The following PCDH15 variants were observed in gnomAD, a reference collection of about 807,000 sequenced individuals.
PCDH15 encodes protocadherin related 15.
Under a neutral mutation model 178.5 loss-of-function variants are expected in PCDH15, and 129 were observed. That is an observed-to-expected ratio of 0.72 (90% CI 0.63 to 0.84). PCDH15 has a LOEUF of 0.84. Among genes scored for constraint, PCDH15 ranks in the 40% least tolerant of loss-of-function variants. The pLI, the probability that PCDH15 is intolerant of heterozygous loss-of-function variation, is 0.00. For synonymous variants in PCDH15, 800 were observed against 732.0 expected, an observed-to-expected ratio of 1.09 and a Z score of -1.50; for missense variants, 2,230 against 2,099.9, an observed-to-expected ratio of 1.06 and a Z score of -1.21.
chr10:55,471,091 T>C (rs1252115079), intron 2 of PCDH15, among the ~76,000 whole-genome samples: 1 of 152,192 alleles, frequency 6.6e-6, no homozygotes, highest in Admixed American at 6.5e-5. Flanking sequence ...TGTTTCCAAG[T>C]TTTGGTAGTT....
chr10:54,658,890 G>C (rs2094449124), intron 2 of PCDH15, among the ~76,000 whole-genome samples: 1 of 152,106 alleles, frequency 6.6e-6, no homozygotes, highest in Non-Finnish European at 1.5e-5. Flanking sequence ...CTGCCTTCAA[G>C]GGACTGACCT....
At chr10:54,858,829 A>G (rs926760590) in intron 3 of PCDH15, among the ~76,000 whole-genome samples, 47 of 152,098 alleles carry the variant, frequency 3.1e-4, no homozygotes, top group African/African-American at 1.1e-3. Flanking sequence ...ACATTATTCC[A>G]TGTATTTTAA....
chr10:54,850,052 G>C (rs1039603047), intron 3 of PCDH15, among the ~76,000 whole-genome samples: 3 of 151,922 alleles, frequency 2.0e-5, no homozygotes, highest in Non-Finnish European at 4.4e-5. Context: ...ACAATCTATG[G>C]ATAATAAATT....
Position 54,317,268 on chromosome 10 carries a change from T to C in PCDH15, c.876+3A>G. ...AAATGGAGAAAGATAAGAGTATATT[T>C]ACCGGAGTTCTCAACTCAGGTATGG... On this transcript the variant is annotated splice_donor_region_variant and intron_variant, in intron 8 of 37. Transcript: ENST00000644397. 1 of 1,612,628 alleles carries C rather than the reference T, an allele frequency of 6.2e-7. No individual in the cohort carries two copies. The highest frequency in any genetic ancestry group is 8.5e-7 in the Non-Finnish European group (1 of 1,178,710).
intron 2 of PCDH15, among the ~76,000 whole-genome samples, chr10:55,592,216 CAG>C (rs1842855892): frequency 6.6e-6 from 1 of 152,118 alleles, no homozygotes; most frequent in Non-Finnish European, 1.5e-5. Flanking sequence ...TCTGTGCACC[CAG>C]GAGGCTGAAA....
chr10:55,136,912 G>A (rs1838210667), intron 2 of PCDH15, among the ~76,000 whole-genome samples: 1 of 152,128 alleles, frequency 6.6e-6, no homozygotes, highest in East Asian at 1.9e-4. Context: ...TCTGCAAAGT[G>A]CCTCCAATAC....
chr10:54,632,858 A>G (rs2093739097), intron 2 of PCDH15, among the ~76,000 whole-genome samples: 2 of 152,166 alleles, frequency 1.3e-5, no homozygotes, highest in African/African-American at 4.8e-5. Context: ...CTTGAACAAG[A>G]AGTTCCAAGA....
Position 54,139,019 on chromosome 10 carries a change from C to T in PCDH15, c.1785-6012G>A, listed in dbSNP as rs566722866. On this transcript the variant is annotated intron_variant, in intron 14 of 37. Coordinates refer to ENST00000644397, the MANE Select transcript of PCDH15 (RefSeq NM_001384140.1). ...ACCACAATAAGCAAGCTGGCTTTAA[C>T]ATTTTTGATAAAATAAAAATAAAAA... Among the ~76,000 whole-genome samples, 12 of 152,054 alleles carry T rather than the reference C, an allele frequency of 7.9e-5. No homozygotes were observed. The East Asian group carries it at 2.3e-3, about 29-fold the overall frequency.
intron 1 of PCDH15, among the ~76,000 whole-genome samples, chr10:55,290,454 T>C (rs1196033310): frequency 2.0e-5 from 3 of 152,164 alleles, no homozygotes; most frequent in African/African-American, 7.2e-5. Flanking sequence ...TAAAACTTAA[T>C]GAATACACAG....
intron 4 of PCDH15, 23 bp downstream of exon 4, chr10:54,378,759 G>A: frequency 6.2e-7 from 1 of 1,611,108 alleles, no homozygotes; most frequent in Non-Finnish European, 8.5e-7. Context: ...ATATTACAGG[G>A]GCAAAGAAAA....
At chr10:55,358,412 A>G (rs865993465) in intron 2 of PCDH15, among the ~76,000 whole-genome samples, 2 of 152,076 alleles carry the variant, frequency 1.3e-5, no homozygotes, top group East Asian at 1.9e-4. Context: ...CAATATGCCA[A>G]TCATTTCCAT....
chr10:54,612,779 A>C (rs75092427), intron 2 of PCDH15, among the ~76,000 whole-genome samples: 1,929 of 151,894 alleles, frequency 0.013, 44 homozygotes, highest in African/African-American at 0.044. Flanking sequence ...TTATTAATTT[A>C]CACAGTATAA....
At chr10:55,359,718 GTGTATATATATATA>G (rs1205886867) in intron 2 of PCDH15, among the ~76,000 whole-genome samples, 1 of 92,386 alleles carries the variant, frequency 1.1e-5, no homozygotes, top group African/African-American at 4.5e-5. Flanking sequence ...AGAAAATGTG[GTGTATATATATATA>G]TATATATATA....
intron 2 of PCDH15, among the ~76,000 whole-genome samples, chr10:55,612,539 C>A (rs1843390076): frequency 6.6e-6 from 1 of 152,020 alleles, no homozygotes; most frequent in Admixed American, 6.6e-5. Flanking sequence ...TAAGAAAATT[C>A]TTACAACTCC....
chr10:53,947,793 T>G (rs2086696189), intron 23 of PCDH15, among the ~76,000 whole-genome samples: 1 of 152,218 alleles, frequency 6.6e-6, no homozygotes, highest in Non-Finnish European at 1.5e-5. Context: ...TTTCTGTCAC[T>G]AAGAGTTTTG....
chr10:53,991,540 GCT>G (rs766908556), intron 21 of PCDH15, among the ~76,000 whole-genome samples: 1 of 151,440 alleles, frequency 6.6e-6, no homozygotes, highest in Non-Finnish European at 1.5e-5. Flanking sequence ...ACCAATCAGT[GCT>G]CTGTGTCTAG....
At chr10:54,283,593 G>A (rs2384435) in intron 8 of PCDH15, among the ~76,000 whole-genome samples, 109,494 of 151,658 alleles carry the variant, frequency 0.72, 40,461 homozygotes, top group Middle Eastern at 0.82. Context: ...ATTTCTTCAT[G>A]TATTTATTAC....
chr10:55,442,214 C>A (rs1405744437), intron 2 of PCDH15, among the ~76,000 whole-genome samples: 1 of 151,732 alleles, frequency 6.6e-6, no homozygotes, highest in African/African-American at 2.4e-5. Flanking sequence ...ATGCAAAAAT[C>A]TGAAGCAATA....
At chr10:55,308,929 A>G (rs979278743) in intron 1 of PCDH15, among the ~76,000 whole-genome samples, 1 of 152,130 alleles carries the variant, frequency 6.6e-6, no homozygotes, top group Non-Finnish European at 1.5e-5. Flanking sequence ...CAATATATTT[A>G]CTCCTTTTTA....
Sources: gnomAD v4.1 joint callset for allele counts (sites outside exome capture counted in the v4.1 genomes callset) on GRCh38, gnomAD v4.1.1 for gene constraint, MANE v1.5 for transcripts, NCBI Gene and HGNC (gene_info 2026-07-23, HGNC 2026-07-21) for gene names.